TFB2M: variants seen among roughly 807,000 people sequenced by gnomAD.
TFB2M encodes transcription factor B2, mitochondrial, also known as dimethyladenosine transferase 2, mitochondrial.
A neutral mutation model predicts 41.3 loss-of-function variants in TFB2M; 44 were observed. That is an observed-to-expected ratio of 1.07 (90% CI 0.84 to 1.37). The LOEUF is 1.37. TFB2M is among the 40% of genes most tolerant of loss of function. The probability of loss-of-function intolerance (pLI) is 0.00; values close to 1 mark genes in which losing one functional copy is unlikely to be tolerated. For missense variants in TFB2M, 496 were observed against 490.2 expected (o/e 1.01, Z -0.11); for synonymous variants, 188 against 176.8 (o/e 1.06, Z -0.50).
At chr1:246,561,002 C>T (rs1399308076) in intron 2 of TFB2M, among the ~76,000 whole-genome samples, 1 of 152,124 alleles carries the variant, frequency 6.6e-6, no homozygotes, top group Non-Finnish European at 1.5e-5. Context: ...AATCCCAGCT[C>T]TCACCACTGA....
Position 246,541,269 on chromosome 1 carries a change from G to C in TFB2M, c.1020-67C>G, listed in dbSNP as rs547133490. 1.1e-5 allele frequency: 16 copies of C among 1,477,816 alleles called. No homozygotes were observed. The African/African-American group carries it at 2.2e-4, about 21-fold the overall frequency. 91.5% of individuals were successfully genotyped at this position (1,477,816 alleles called of 1,614,324 possible). A position where few individuals can be genotyped will look rare whatever the true frequency, so the allele number is the denominator to read the frequency against. ...ATGCATCTATCAGTTCACGGTGACA[G>C]AAATGGCTTCTAAGTTGAATTCAAA... On this transcript the variant is annotated intron_variant, in intron 7 of 7. Coordinates refer to ENST00000366514, the MANE Select transcript of TFB2M (RefSeq NM_022366.3).
At chr1:246,554,203 G>A (rs1370616765) in intron 4 of TFB2M, among the ~76,000 whole-genome samples, 1 of 152,118 alleles carries the variant, frequency 6.6e-6, no homozygotes, top group Non-Finnish European at 1.5e-5. Flanking sequence ...CTAAACAAGA[G>A]CCAAAACTAT....
At position 246,562,661 on chromosome 1, in the gene TFB2M, C is replaced by CT. The variant is rs549675853; in HGVS notation, c.402+1684dup. ...ATAAGGCAGATGACTCCATAGGGAA[C>CT]TTTTTTTTTTTTTTGAGACAAAGAG... On this transcript the variant is annotated intron_variant, in intron 2 of 7. Coordinates refer to ENST00000366514, the MANE Select transcript of TFB2M (RefSeq NM_022366.3). Among the ~76,000 whole-genome samples the CT allele has an allele frequency of 4.3e-3, 617 of 145,004 alleles. 4 individuals are homozygous for CT. The highest frequency in any genetic ancestry group is 6.6e-3 in the African/African-American group (261 of 39,762).
chr1:246,557,750 G>A (rs1659363475), intron 2 of TFB2M, among the ~76,000 whole-genome samples: 1 of 152,126 alleles, frequency 6.6e-6, no homozygotes, highest in African/African-American at 2.4e-5. Context: ...TCGGCTCACT[G>A]CAACCTCTGC....
At position 246,566,209 on chromosome 1, in the gene TFB2M, C is replaced by G. The variant is rs1172105022; in HGVS notation, c.-71G>C. 4 of 1,490,454 alleles carry G rather than the reference C, an allele frequency of 2.7e-6. No homozygotes were observed. The highest frequency in any genetic ancestry group is 2.3e-5 in the East Asian group (1 of 43,438). The allele number at this position is 1,490,454 out of a possible 1,614,324, so 92.3% of individuals were successfully genotyped here. A position where few individuals can be genotyped will look rare whatever the true frequency, so the allele number is the denominator to read the frequency against. ...CTACAGTGAACCCCACGCAGGGTAT[C>G]CCACGTGGAACATTTTCTGGCGTCC... On this transcript the variant is annotated 5_prime_UTR_variant, in exon 1 of 8. Transcript: ENST00000366514.
intron 7 of TFB2M, among the ~76,000 whole-genome samples, 170 bp downstream of exon 7, chr1:246,544,351 A>G (rs1471901481): frequency 6.6e-6 from 1 of 152,256 alleles, no homozygotes; most frequent in Non-Finnish European, 1.5e-5. Flanking sequence ...TATGGGAAAA[A>G]TATATTTTCC....
rs1659642125 is a variant in TFB2M, at chr1:246,565,822, T to C, written c.313+4A>G. On this transcript the variant is annotated splice_donor_region_variant and intron_variant, in intron 1 of 7. Transcript: ENST00000366514. ...CCAAGAAAATGCAATTCAGCTGGAC[T>C]CACCTGGATTGCACTCCAGCAGTAG... The C allele has an allele frequency of 2.5e-6, 4 of 1,592,086 alleles. No individual in the cohort carries two copies. The highest frequency in any genetic ancestry group is 1.3e-5 in the African/African-American group (1 of 74,498).
Position 246,540,818 on chromosome 1 carries a change from T to C in TFB2M, c.*213A>G, listed in dbSNP as rs1029399774. The C allele has an allele frequency of 4.5e-6, 2 of 444,572 alleles. No individual in the cohort carries two copies. The highest frequency in any genetic ancestry group is 2.0e-5 in the African/African-American group (1 of 49,524). 27.5% of individuals were successfully genotyped at this position (444,572 alleles called of 1,614,324 possible). On this transcript the variant is annotated 3_prime_UTR_variant, in exon 8 of 8. Transcript: ENST00000366514. ...TCAATCTGATCAAATCCACAATTAA[T>C]TGAAGTTTTCATTTTATTCAATTGT...
intron 5 of TFB2M, among the ~76,000 whole-genome samples, chr1:246,549,077 T>C (rs1208686580): frequency 6.6e-6 from 1 of 152,224 alleles, no homozygotes; most frequent in Non-Finnish European, 1.5e-5. Flanking sequence ...GGTTCATGCC[T>C]ATAATCCCAG....
intron 1 of TFB2M, among the ~76,000 whole-genome samples, chr1:246,564,702 C>T (rs916444233): frequency 6.8e-6 from 1 of 146,626 alleles, no homozygotes; most frequent in African/African-American, 2.5e-5. Flanking sequence ...TTTTTTGAGA[C>T]GAAGTCTCAC....
At chr1:246,548,690 C>T (rs1659090921) in intron 5 of TFB2M, 83 bp from the exon 6 acceptor site, 1 of 1,279,230 alleles carries the variant, frequency 7.8e-7, no homozygotes, top group Admixed American at 1.8e-5. Context: ...TTAAAAAACA[C>T]CTTGCCTAAA....
At chr1:246,553,306 C>T (rs1033529822) in intron 4 of TFB2M, among the ~76,000 whole-genome samples, 3 of 152,150 alleles carry the variant, frequency 2.0e-5, no homozygotes, top group East Asian at 1.9e-4. Context: ...GCACTACCAA[C>T]GGACAATTCG....
Position 246,563,813 on chromosome 1 carries a change from G to A in TFB2M, c.402+533C>T, listed in dbSNP as rs573840586. Among the ~76,000 whole-genome samples, 13 of 152,188 alleles carry A rather than the reference G, an allele frequency of 8.5e-5. No homozygotes were observed. In the South Asian group the frequency reaches 2.1e-3, roughly 24 times the overall value. ...GAACAAAAAAGGAATTTTTAGACTC[G>A]GGTCCCATCCCCAAGATATCTCATT... On this transcript the variant is annotated intron_variant, in intron 2 of 7. Transcript: ENST00000366514.
intron 6 of TFB2M, among the ~76,000 whole-genome samples, chr1:246,546,854 T>C (rs1025037300): frequency 4.6e-5 from 7 of 152,056 alleles, no homozygotes; most frequent in Non-Finnish European, 1.0e-4. Flanking sequence ...TCCATAGCAA[T>C]ATGAGCACCT....
intron 7 of TFB2M, among the ~76,000 whole-genome samples, chr1:246,542,967 G>C (rs1413468750): frequency 1.5e-5 from 2 of 132,868 alleles, no homozygotes; most frequent in East Asian, 4.3e-4. Context: ...AAGTCTTGTT[G>C]GCGCTCTCTG....
At chr1:246,545,624 A>T (rs1658999520) in intron 6 of TFB2M, among the ~76,000 whole-genome samples, 1 of 151,774 alleles carries the variant, frequency 6.6e-6, no homozygotes, top group Non-Finnish European at 1.5e-5. Flanking sequence ...ACTAGCCTGG[A>T]CAACATGGCG....
rs150355974 is a variant in TFB2M at position 246,554,733 on chromosome 1, G to A, written c.705+1840C>T. Among the ~76,000 whole-genome samples the A allele has an allele frequency of 1.4e-3, 212 of 152,138 alleles. 1 individual carries two copies. Among genetic ancestry groups the A allele is most frequent in the African/African-American group, 4.8e-3 (198 of 41,504 alleles). On this transcript the variant is annotated intron_variant, in intron 4 of 7. Coordinates refer to ENST00000366514, the MANE Select transcript of TFB2M (RefSeq NM_022366.3). ...CTTGAATCATCCTGAAACCATCCCC[G>A]CCGCCATCCACGTAAAAACTGTCTT... is the stretch of plus-strand genomic sequence containing the variant.
At chr1:246,545,001 T>C (rs947350583) in intron 6 of TFB2M, among the ~76,000 whole-genome samples, 5 of 151,784 alleles carry the variant, frequency 3.3e-5, no homozygotes, top group South Asian at 2.1e-4. Flanking sequence ...GAGATGGGGT[T>C]TCACCGTGTT....
chr1:246,556,489 C>T, intron 4 of TFB2M, 84 bp downstream of exon 4: 1 of 1,057,080 alleles, frequency 9.5e-7, no homozygotes, highest in Non-Finnish European at 1.3e-6. Flanking sequence ...GTCACGAGCC[C>T]TAAATTAAAA....
Sources: allele counts gnomAD v4.1 joint callset (sites outside exome capture counted in the v4.1 genomes callset), GRCh38; gene constraint gnomAD v4.1.1; transcripts MANE v1.5; gene names NCBI Gene and HGNC (gene_info 2026-07-23, HGNC 2026-07-21).